The following GRK5 variants were observed in gnomAD, a reference collection of about 807,000 sequenced individuals.
The protein encoded by GRK5 is g protein-coupled receptor kinase GRK5.
A neutral mutation model predicts 78.4 loss-of-function variants in GRK5; 40 were observed. The observed-to-expected ratio is 0.51, with a 90% CI of 0.40 to 0.66. The LOEUF (loss-of-function observed/expected upper bound fraction) is 0.66, where lower values mean the gene tolerates loss of function less well. GRK5 is among the 30% of genes least tolerant of loss of function. GRK5 has a pLI of 0.00. For missense variants in GRK5, 598 were observed against 759.9 expected (o/e 0.79, Z 2.50); for synonymous variants, 289 against 296.8 (o/e 0.97, Z 0.27).
chr10:119,448,284 A>G lies in GRK5; in HGVS notation c.1404+24A>G, dbSNP rs777196407. On this transcript the variant is annotated intron_variant, in intron 13 of 15. Transcript: ENST00000392870. Reference sequence around the variant, plus strand: ...ACGTGAGTAGCCTCCCCCAGCCCCCAGCAGCTCCCTTCACAGGGTACCCAG... The same window carrying G: ...ACGTGAGTAGCCTCCCCCAGCCCCCGGCAGCTCCCTTCACAGGGTACCCAG... 3.2e-6 allele frequency: 5 copies of G among 1,575,638 alleles called. No individual in the cohort carries two copies. In the East Asian group the frequency reaches 1.2e-4, roughly 38 times the overall value.
chr10:119,214,662 G>A (rs1038527843), intron 1 of GRK5, among the ~76,000 whole-genome samples: 3 of 152,110 alleles, frequency 2.0e-5, no homozygotes, highest in African/African-American at 7.2e-5. Context: ...TGGGACTATA[G>A]GCTCGTGCCA....
intron 2 of GRK5, among the ~76,000 whole-genome samples, chr10:119,369,253 G>T (rs1195210688): frequency 1.3e-5 from 2 of 152,178 alleles, no homozygotes; most frequent in East Asian, 3.9e-4. Flanking sequence ...GGAGAAAAAA[G>T]GTTGTAGAAA....
intron 2 of GRK5, among the ~76,000 whole-genome samples, chr10:119,357,921 C>T (rs189942988): frequency 1.6e-3 from 248 of 152,212 alleles, no homozygotes; most frequent in African/African-American, 5.7e-3. Flanking sequence ...CAAGGTGCAG[C>T]GGCAGCCTCC....
At chr10:119,353,211 C>T (rs899364595) in intron 2 of GRK5, among the ~76,000 whole-genome samples, 6 of 152,048 alleles carry the variant, frequency 3.9e-5, no homozygotes, top group Non-Finnish European at 5.9e-5. Context: ...AAAGAATGTT[C>T]GGGCTGAAAT....
rs532365302 is a variant in GRK5 at position 119,303,887 on chromosome 10, T to C, written c.53-22629T>C. Among the ~76,000 whole-genome samples the C allele has an allele frequency of 3.9e-5, 6 of 152,140 alleles. No homozygotes were observed. In the South Asian group the frequency reaches 1.2e-3, roughly 32 times the overall value. On this transcript the variant is annotated intron_variant, in intron 1 of 15. Coordinates refer to ENST00000392870, the MANE Select transcript of GRK5 (RefSeq NM_005308.3). ...CCCAGCCGTCCCTTGGGTTTGGGGC[T>C]CAACTAGGGCTCCTTTGATCACTCA...
intron 1 of GRK5, among the ~76,000 whole-genome samples, chr10:119,263,719 C>G (rs1344208182): frequency 6.6e-6 from 1 of 152,008 alleles, no homozygotes; most frequent in African/African-American, 2.4e-5. Context: ...GTCAGAAGAT[C>G]GAGACCGTAC....
chr10:119,282,591 G>A (rs1849779984), intron 1 of GRK5, among the ~76,000 whole-genome samples: 1 of 152,214 alleles, frequency 6.6e-6, no homozygotes, highest in Admixed American at 6.5e-5. Flanking sequence ...ATGGGCAGAT[G>A]GACTATCGAG....
intron 1 of GRK5, among the ~76,000 whole-genome samples, chr10:119,257,158 C>G (rs1849300515): frequency 6.6e-6 from 1 of 152,224 alleles, no homozygotes; most frequent in African/African-American, 2.4e-5. Flanking sequence ...GTTTTAACTT[C>G]AGTTACAGCC....
At position 119,245,044 on chromosome 10, in the gene GRK5, G is replaced by A. The variant is rs1163701169; in HGVS notation, c.52+37075G>A. ...TGTAATCCCAGCACTTTGGGAGGCC[G>A]AGGTGGGTGGATCACGAGGTCAGAA... On this transcript the variant is annotated intron_variant, in intron 1 of 15. Transcript: ENST00000392870. 4.6e-5 allele frequency among the ~76,000 whole-genome samples: 7 copies of A among 152,154 alleles called. No homozygotes were observed. In the South Asian group the frequency reaches 6.2e-4, roughly 14 times the overall value.
chr10:119,313,290 G>T (rs1051986351), intron 1 of GRK5, among the ~76,000 whole-genome samples: 8 of 150,756 alleles, frequency 5.3e-5, no homozygotes, highest in Non-Finnish European at 3.0e-5. Flanking sequence ...GGGGATGGTG[G>T]TAATGGTGGT....
chr10:119,283,426 C>A (rs753305432), intron 1 of GRK5, among the ~76,000 whole-genome samples: 10 of 152,212 alleles, frequency 6.6e-5, no homozygotes, highest in African/African-American at 2.4e-4. Flanking sequence ...CCAAGCCCTG[C>A]AAGTCCTTCT....
chr10:119,339,087 A>G (rs1850940300), intron 2 of GRK5, among the ~76,000 whole-genome samples: 1 of 152,218 alleles, frequency 6.6e-6, no homozygotes, highest in Non-Finnish European at 1.5e-5. Flanking sequence ...GCATCCACAG[A>G]CACCATTAAC....
intron 4 of GRK5, among the ~76,000 whole-genome samples, chr10:119,417,451 G>A (rs1852481067): frequency 6.6e-6 from 1 of 152,232 alleles, no homozygotes. Flanking sequence ...GGTGCTGGGG[G>A]CAAGGGATTA....
At chr10:119,258,624 A>C (rs927610872) in intron 1 of GRK5, among the ~76,000 whole-genome samples, 4 of 152,214 alleles carry the variant, frequency 2.6e-5, no homozygotes, top group African/African-American at 7.2e-5. Flanking sequence ...TTGGCGTTTT[A>C]ATTGCAAGGA....
chr10:119,239,140 C>G (rs569984657), intron 1 of GRK5, among the ~76,000 whole-genome samples: 2 of 152,038 alleles, frequency 1.3e-5, no homozygotes, highest in South Asian at 4.2e-4. Flanking sequence ...AATAAAAGAG[C>G]TCCCCAGTTA....
intron 4 of GRK5, among the ~76,000 whole-genome samples, chr10:119,409,850 C>T (rs554208052): frequency 1.3e-5 from 2 of 152,340 alleles, no homozygotes; most frequent in Admixed American, 6.5e-5. Flanking sequence ...TCGCCTATCA[C>T]GCACAAAGAA....
In GRK5 at chr10:119,406,514, C is replaced by T. The variant is rs983806959; in HGVS notation, c.339+9742C>T. ...CCCATTCTCCCTGGGGCTTGGGGTC[C>T]CAGACACTGGCCCTGGACCCGGCTC... On this transcript the variant is annotated intron_variant, in intron 4 of 15. Transcript: ENST00000392870. The T allele has an allele frequency of 1.3e-5, 13 of 981,382 alleles. No individual in the cohort carries two copies. In the African/African-American group the frequency reaches 2.1e-4, roughly 16 times the overall value. 60.8% of individuals were successfully genotyped at this position (981,382 alleles called of 1,614,324 possible).
At chr10:119,328,962 T>C (rs1282181132) in intron 2 of GRK5, among the ~76,000 whole-genome samples, 1 of 152,178 alleles carries the variant, frequency 6.6e-6, no homozygotes, top group East Asian at 1.9e-4. Flanking sequence ...CAGAGCACCC[T>C]TCCTCAGGGC....
intron 3 of GRK5, among the ~76,000 whole-genome samples, chr10:119,386,015 G>A (rs957466987): frequency 1.3e-5 from 2 of 152,134 alleles, no homozygotes; most frequent in Non-Finnish European, 2.9e-5. Flanking sequence ...CTCCCAAGTA[G>A]CTGGGACTAC....
Sources: allele counts gnomAD v4.1 joint callset (sites outside exome capture counted in the v4.1 genomes callset), GRCh38; gene constraint gnomAD v4.1.1; transcripts MANE v1.5; gene names NCBI Gene and HGNC (gene_info 2026-07-23, HGNC 2026-07-21).